CLASP2: variants seen among roughly 807,000 people sequenced by gnomAD.
The protein encoded by CLASP2 is CLIP-associating protein 2.
In CLASP2, 47 loss-of-function variants were observed where a neutral mutation model predicts 194.4. The observed-to-expected ratio is 0.24, with a 90% confidence interval of 0.19 to 0.31. CLASP2 has a LOEUF of 0.31. Among genes scored for constraint, CLASP2 ranks in the 10% least tolerant of loss-of-function variants. CLASP2 has a pLI of 1.00. For synonymous variants in CLASP2, 619 were observed against 633.5 expected, an observed-to-expected ratio of 0.98 and a Z score of 0.34; for missense variants, 1,445 against 1,823.6, an observed-to-expected ratio of 0.79 and a Z score of 3.78.
chr3:33,659,039 A>C, intron 7 of CLASP2: 1 of 1,535,560 alleles, frequency 6.5e-7, no homozygotes. Context: ...TAGCACAGCA[A>C]ATAAGTACAG....
intron 27 of CLASP2, among the ~76,000 whole-genome samples, chr3:33,565,999 T>C (rs886435561): frequency 1.2e-4 from 19 of 152,284 alleles, no homozygotes; most frequent in African/African-American, 4.3e-4. Context: ...CTCCTCATTG[T>C]TCAAGGGTCA....
chr3:33,579,666 T>C (rs1485486623), intron 23 of CLASP2, among the ~76,000 whole-genome samples: 1 of 152,168 alleles, frequency 6.6e-6, no homozygotes, highest in Non-Finnish European at 1.5e-5. Flanking sequence ...TCATTATGTG[T>C]CAAGCACTGC....
intron 19 of CLASP2, chr3:33,596,474 T>C (rs2070410561): frequency 2.5e-6 from 1 of 400,388 alleles, no homozygotes; most frequent in African/African-American, 2.1e-5. Flanking sequence ...AAACATTTTA[T>C]AAGTTAAAAC....
At chr3:33,621,977 T>A (rs978971418) in intron 11 of CLASP2, among the ~76,000 whole-genome samples, 158 bp downstream of exon 11, 21 of 152,194 alleles carry the variant, frequency 1.4e-4, no homozygotes, top group Non-Finnish European at 2.4e-4. Context: ...AGGAATTTTT[T>A]AAAAATCATA....
intron 2 of CLASP2, among the ~76,000 whole-genome samples, chr3:33,694,167 C>A (rs945672637): frequency 7.9e-5 from 12 of 152,072 alleles, no homozygotes; most frequent in African/African-American, 2.9e-4. Context: ...GAGCAAGTTT[C>A]TGATTAGCTT....
intron 8 of CLASP2, chr3:33,644,556 T>A (rs143016790): frequency 1.6e-6 from 1 of 627,088 alleles, no homozygotes; most frequent in Non-Finnish European, 2.8e-6. Flanking sequence ...CTAATTCACA[T>A]ACATTCTTAG....
chr3:33,621,543 A>AT (rs1363420904), intron 11 of CLASP2, among the ~76,000 whole-genome samples: 1 of 151,932 alleles, frequency 6.6e-6, no homozygotes, highest in Non-Finnish European at 1.5e-5. Flanking sequence ...TGCAATCCTT[A>AT]TATTGCCTTT....
intron 34 of CLASP2, among the ~76,000 whole-genome samples, chr3:33,529,415 T>A (rs12490203): frequency 1.3e-5 from 2 of 151,938 alleles, no homozygotes; most frequent in Non-Finnish European, 2.9e-5. Context: ...TTGCCTGATT[T>A]CAGACTATAC....
At chr3:33,596,234 A>C (rs1263937328) in intron 19 of CLASP2, among the ~76,000 whole-genome samples, 1 of 152,114 alleles carries the variant, frequency 6.6e-6, no homozygotes, top group African/African-American at 2.4e-5. Context: ...ATTTTGACTA[A>C]ATGTTAGTTT....
At chr3:33,705,597 C>T (rs2092638824) in intron 1 of CLASP2, among the ~76,000 whole-genome samples, 1 of 152,216 alleles carries the variant, frequency 6.6e-6, no homozygotes, top group South Asian at 2.1e-4. Flanking sequence ...GACTCAATTA[C>T]ACATATATGA....
Position 33,576,164 on chromosome 3 carries a change from A to G in CLASP2, c.2454+5T>C, listed in dbSNP as rs369561227. On this transcript the variant is annotated splice_donor_5th_base_variant and intron_variant, in intron 24 of 38. Coordinates refer to ENST00000682230, the MANE Select transcript of CLASP2 (RefSeq NM_001365631.1). ...TTATAATGATAAGAAAATGGAGAAGAGTACCAAGGCATCTGCCACCGCCTC... is the reference window on the plus strand; with the variant it reads ...TTATAATGATAAGAAAATGGAGAAGGGTACCAAGGCATCTGCCACCGCCTC... 4.5e-5 allele frequency: 72 copies of G among 1,606,936 alleles called. 2 individuals are homozygous for G. In the Admixed American group the frequency reaches 8.7e-4, roughly 19 times the overall value.
chr3:33,584,137 G>C (rs963321422), intron 22 of CLASP2, among the ~76,000 whole-genome samples: 1 of 151,992 alleles, frequency 6.6e-6, no homozygotes. Flanking sequence ...ACTATAACAC[G>C]AATGTCAAAC....
chr3:33,645,772 T>A (rs910164714), intron 7 of CLASP2, among the ~76,000 whole-genome samples: 2 of 152,222 alleles, frequency 1.3e-5, no homozygotes, highest in African/African-American at 4.8e-5. Flanking sequence ...TTACTGTGCA[T>A]AATTAACTCT....
At chr3:33,686,960 C>CT (rs2090751713) in intron 5 of CLASP2, 100 bp downstream of exon 5, 5 of 655,102 alleles carry the variant, frequency 7.6e-6, no homozygotes, top group Non-Finnish European at 1.0e-5. Flanking sequence ...CAGCATCCCC[C>CT]TCCACCCTCT....
At chr3:33,521,003 C>T (rs2052906403) in intron 34 of CLASP2, among the ~76,000 whole-genome samples, 1 of 151,974 alleles carries the variant, frequency 6.6e-6, no homozygotes, top group African/African-American at 2.4e-5. Flanking sequence ...TGATTGATTC[C>T]AGGACTGAAG....
At chr3:33,573,085 A>G (rs144283578) in intron 25 of CLASP2, 25 bp downstream of exon 25, 46 of 1,611,558 alleles carry the variant, frequency 2.9e-5, no homozygotes, top group Non-Finnish European at 3.9e-5. Flanking sequence ...TGATAGTAAA[A>G]TCATTTTAAG....
At chr3:33,623,942 TTTCC>T (rs2077544008) in intron 10 of CLASP2, among the ~76,000 whole-genome samples, 1 of 152,136 alleles carries the variant, frequency 6.6e-6, no homozygotes, top group Non-Finnish European at 1.5e-5. Context: ...ACAGAAAGCC[TTTCC>T]TCTAAGGTCT....
intron 23 of CLASP2, chr3:33,577,213 T>C (rs776663409): frequency 1.3e-6 from 2 of 1,597,264 alleles, no homozygotes; most frequent in East Asian, 2.2e-5. Flanking sequence ...TGAGGCCCCA[T>C]ACACTTCGGG....
At chr3:33,670,993 C>A (rs1346438777) in intron 6 of CLASP2, among the ~76,000 whole-genome samples, 1 of 152,092 alleles carries the variant, frequency 6.6e-6, no homozygotes, top group Non-Finnish European at 1.5e-5. Context: ...TTTATCAGAG[C>A]CTAAATGACC....
Sources: gnomAD v4.1 joint callset for allele counts (sites outside exome capture counted in the v4.1 genomes callset) on GRCh38, gnomAD v4.1.1 for gene constraint, MANE v1.5 for transcripts, NCBI Gene and HGNC (gene_info 2026-07-23, HGNC 2026-07-21) for gene names.